The following EPHB6 variants were observed in gnomAD, a reference collection of about 807,000 sequenced individuals.
The protein encoded by EPHB6 is EPH receptor B6.
EPHB6 carries 51 observed loss-of-function variants against 107.0 expected under a neutral mutation model. That is an observed-to-expected ratio of 0.48 (90% CI 0.38 to 0.60). The LOEUF (loss-of-function observed/expected upper bound fraction) is 0.60. Ranked by LOEUF, EPHB6 falls within the 20% of genes least tolerant of loss-of-function variation. The pLI is 0.00. For synonymous variants in EPHB6, 553 were observed against 549.0 expected (o/e 1.01, Z -0.10); for missense variants, 1,141 against 1,355.5 (o/e 0.84, Z 2.48).
At position 142,867,738 on chromosome 7, in the gene EPHB6, T is replaced by C; in HGVS notation, c.1865+16T>C. On this transcript the variant is annotated intron_variant, in intron 12 of 19. Coordinates refer to ENST00000652003, the MANE Select transcript of EPHB6 (RefSeq NM_004445.6). The surrounding 1 kb of genome is among the most constrained non-coding windows in gnomAD (Gnocchi z 5.3). ...TCTTCCAGCGGTGAGTCCCCACCCCTGCCCAACTCTGCCCAGCACCATTAA... is the reference window on the plus strand; with the variant it reads ...TCTTCCAGCGGTGAGTCCCCACCCCCGCCCAACTCTGCCCAGCACCATTAA... 1 of 1,588,534 alleles carries C rather than the reference T, an allele frequency of 6.3e-7. No individual in the cohort carries two copies. The highest frequency in any genetic ancestry group is 8.6e-7 in the Non-Finnish European group (1 of 1,166,136).
intron 1 of EPHB6, among the ~76,000 whole-genome samples, chr7:142,858,648 G>A (rs1171858075): frequency 4.9e-5 from 7 of 142,186 alleles, no homozygotes; most frequent in Non-Finnish European, 9.1e-5. Context: ...GGGTTTCACC[G>A]TGTTAGCCAG....
At chr7:142,859,620 C>T (rs1342822642) in intron 1 of EPHB6, among the ~76,000 whole-genome samples, 1 of 151,434 alleles carries the variant, frequency 6.6e-6, no homozygotes, top group Non-Finnish European at 1.5e-5. Flanking sequence ...TCTGACTCAG[C>T]AACAATTTTT....
intron 5 of EPHB6, 59 bp downstream of exon 5, chr7:142,863,386 G>T: frequency 6.6e-7 from 1 of 1,522,610 alleles, no homozygotes. Context: ...GTGAAAGGGG[G>T]AAGTGGGAAA....
In EPHB6 at chr7:142,863,167, G is replaced by A. The variant is rs1586155484; in HGVS notation, c.-61G>A. On this transcript the variant is annotated 5_prime_UTR_variant, in exon 5 of 20. Coordinates refer to ENST00000652003, the MANE Select transcript of EPHB6 (RefSeq NM_004445.6). The stretch of plus-strand genomic sequence containing the variant: ...GTACACCCTGAGTCTTGCAAAAGCT[G>A]CAGCCCCACCCAGGAGCAGGGTGGT... 1.6e-5 allele frequency: 23 copies of A among 1,477,184 alleles called. No individual in the cohort carries two copies. In the East Asian group the frequency reaches 4.4e-4, roughly 28 times the overall value. 91.5% of individuals were successfully genotyped at this position (1,477,184 alleles called of 1,614,324 possible).
At position 142,870,471 on chromosome 7, in the gene EPHB6, TGAG is replaced by T. The variant is rs1794856917; in HGVS notation, c.2805-55_2805-53del. 5 of 1,613,788 alleles carry T rather than the reference TGAG, an allele frequency of 3.1e-6. No individual in the cohort carries two copies. The South Asian group carries it at 3.3e-5, about 11-fold the overall frequency. ...GGGTAGATGCAAACCTAAAGAAAAC[TGAG>T]GAGAGGGGCTAAGATGAAGAGGAGA... On this transcript the variant is annotated intron_variant, in intron 18 of 19. Coordinates refer to ENST00000652003, the MANE Select transcript of EPHB6 (RefSeq NM_004445.6).
At position 142,855,579 on chromosome 7, in the gene EPHB6, C is replaced by G. The variant is rs968668388; in HGVS notation, c.-432+194C>G. Among the ~76,000 whole-genome samples the G allele has an allele frequency of 6.6e-6, 1 of 152,170 alleles. No homozygotes were observed. The highest frequency in any genetic ancestry group is 1.5e-5 in the Non-Finnish European group (1 of 68,014). ...AGGAAACGGTCAACCTGGCTACTCCCCTCTCACTCCACTCTGACCTGGCAT... is the reference window on the plus strand; with the variant it reads ...AGGAAACGGTCAACCTGGCTACTCCGCTCTCACTCCACTCTGACCTGGCAT... On this transcript the variant is annotated intron_variant, in intron 1 of 19. Coordinates refer to ENST00000652003, the MANE Select transcript of EPHB6 (RefSeq NM_004445.6). The surrounding 1 kb of genome is among the most constrained non-coding windows in gnomAD (Gnocchi z 4.2).
Position 142,867,345 on chromosome 7 carries a change from G to T in EPHB6, c.1751-263G>T. 1 of 633,678 alleles carries T rather than the reference G, an allele frequency of 1.6e-6. No individual in the cohort carries two copies. The allele number at this position is 633,678 out of a possible 1,614,324, so 39.3% of individuals were successfully genotyped here. A position where few individuals can be genotyped will look rare whatever the true frequency, so the allele number is the denominator to read the frequency against. ...CTGGGTGTGGATGTGGGAGGGCTGT[G>T]GGCGTGTGTGTGTGTTGTGTGTCCC... is the stretch of plus-strand genomic sequence containing the variant. On this transcript the variant is annotated intron_variant, in intron 11 of 19. Coordinates refer to ENST00000652003, the MANE Select transcript of EPHB6 (RefSeq NM_004445.6). This position sits in a 1 kb window ranked among gnomAD's most constrained non-coding sequence, Gnocchi z 5.3.
rs1165895254 is a variant in EPHB6 at position 142,868,382 on chromosome 7, G to A, written c.2038+22G>A. 4 of 1,613,844 alleles carry A rather than the reference G, an allele frequency of 2.5e-6. No individual in the cohort carries two copies. The highest frequency in any genetic ancestry group is 1.7e-5 in the Admixed American group (1 of 60,000). ...ACAGGTACAGCAGGGCCAAAGCAGG[G>A]ATCAGAGCGACGGGGCTCCCTTGTG... On this transcript the variant is annotated intron_variant, in intron 14 of 19. Transcript: ENST00000652003. This position sits in a 1 kb window ranked among gnomAD's most constrained non-coding sequence, Gnocchi z 4.2.
Position 142,867,115 on chromosome 7 carries a change from G to A in EPHB6, c.1750+47G>A, listed in dbSNP as rs2116455951. 6.3e-7 allele frequency: 1 copy of A among 1,598,058 alleles called. No individual in the cohort carries two copies. Among genetic ancestry groups the A allele is most frequent in the Non-Finnish European group, 8.5e-7 (1 of 1,174,458 alleles). ...GATGGGCAGGTGAAGGCCCAAGTGG[G>A]TAGTGAGGAGAGGCCCAGGGACTGT... is the stretch of plus-strand genomic sequence containing the variant. On this transcript the variant is annotated intron_variant, in intron 11 of 19. Coordinates refer to ENST00000652003, the MANE Select transcript of EPHB6 (RefSeq NM_004445.6). The surrounding 1 kb of genome is among the most constrained non-coding windows in gnomAD (Gnocchi z 5.3).
chr7:142,863,421 G>A (rs1802945837), intron 5 of EPHB6, 94 bp downstream of exon 5: 1 of 1,330,136 alleles, frequency 7.5e-7, no homozygotes, highest in South Asian at 1.2e-5. Context: ...AGATAAGAGT[G>A]AAGACATCAA....
Position 142,867,251 on chromosome 7 carries a change from AG to A in EPHB6, c.1750+187del. The stretch of plus-strand genomic sequence containing the variant: ...GCTACTCGGGGAGGTGGGGAATTGT[AG>A]GGGTATGTATGCATGTTGAGTGTGG... On this transcript the variant is annotated intron_variant, in intron 11 of 19. Coordinates refer to ENST00000652003, the MANE Select transcript of EPHB6 (RefSeq NM_004445.6). This position sits in a 1 kb window ranked among gnomAD's most constrained non-coding sequence, Gnocchi z 5.3. The A allele has an allele frequency of 1.4e-6, 1 of 714,542 alleles. No homozygotes were observed. Among genetic ancestry groups the A allele is most frequent in the East Asian group, 2.7e-5 (1 of 36,966 alleles). The allele number at this position is 714,542 out of a possible 1,614,324, so 44.3% of individuals were successfully genotyped here.
Position 142,864,749 on chromosome 7 carries a change from G to A in EPHB6, c.949G>A (p.Ala317Thr), listed in dbSNP as rs772887570. The A allele has an allele frequency of 3.1e-6, 5 of 1,612,822 alleles. No individual in the cohort carries two copies. Among genetic ancestry groups the A allele is most frequent in the Admixed American group, 3.3e-5 (2 of 60,028 alleles). The change falls in exon 7 of 20, where the codon GCC (alanine) becomes ACC (threonine). Residue 317 changes from alanine (A) to threonine (T), a missense_variant and splice_region_variant. Coordinates refer to ENST00000652003, the MANE Select transcript of EPHB6 (RefSeq NM_004445.6). ...AGCACGAGGAGACAAGGCCTGCCAA[G>A]GTGAGAGCCCACTCGTCTTGCACTT... ...QPARGDKACQACPRGLYKASA... is the reference protein window; with the variant it reads ...QPARGDKACQTCPRGLYKASA...
chr7:142,868,426 C>A lies in EPHB6; in HGVS notation c.2038+66C>A, dbSNP rs1304730363. On this transcript the variant is annotated intron_variant, in intron 14 of 19. Coordinates refer to ENST00000652003, the MANE Select transcript of EPHB6 (RefSeq NM_004445.6). The surrounding 1 kb of genome is among the most constrained non-coding windows in gnomAD (Gnocchi z 4.2). ...CCTTGTGGCCTCCGCTGGCCAGAGT[C>A]CCATCCAAACACAGCAGGACGCTGT... The A allele has an allele frequency of 6.2e-7, 1 of 1,613,830 alleles. No individual in the cohort carries two copies. The highest frequency in any genetic ancestry group is 8.5e-7 in the Non-Finnish European group (1 of 1,179,860).
Position 142,870,772 on chromosome 7 carries a change from T to G in EPHB6, c.2961-24T>G, listed in dbSNP as rs767488583. The G allele has an allele frequency of 1.9e-6, 3 of 1,614,096 alleles. No individual in the cohort carries two copies. The East Asian group carries it at 6.7e-5, about 36-fold the overall frequency. ...GGGATCTCGGAGAAGCTGGCCCAGATTTGATCCCTTCCCTCCCCACCAGAG... is the reference window on the plus strand; with the variant it reads ...GGGATCTCGGAGAAGCTGGCCCAGAGTTGATCCCTTCCCTCCCCACCAGAG... On this transcript the variant is annotated intron_variant, in intron 19 of 19. Transcript: ENST00000652003.
At chr7:142,865,392 G>T in intron 7 of EPHB6, 83 bp from the exon 8 acceptor site, 1 of 1,573,076 alleles carries the variant, frequency 6.4e-7, no homozygotes. Flanking sequence ...AAGGCTGCGA[G>T]GATACCTGCC....
In EPHB6 at chr7:142,870,606, A is replaced by G; in HGVS notation, c.2881A>G (p.Ile961Val). ...CTCACCCCAGGCCTGGCTTTCAGCC[A>G]TTGGACTGGAGTGCTACCAGGACAA... ...LDSPQAWLSA[I>V]GLECYQDNFS... Residue 961 changes from isoleucine to valine, a missense_variant, in exon 19 of 20, where the codon ATT (isoleucine) becomes GTT (valine). By Grantham distance (29) the Ile-to-Val change is conservative. Coordinates refer to ENST00000652003, the MANE Select transcript of EPHB6 (RefSeq NM_004445.6). The G allele has an allele frequency of 1.2e-6, 2 of 1,614,226 alleles. No individual in the cohort carries two copies.
At position 142,866,654 on chromosome 7, in the gene EPHB6, AG is replaced by A; in HGVS notation, c.1587+51del. 1 of 1,613,110 alleles carries A rather than the reference AG, an allele frequency of 6.2e-7. No homozygotes were observed. The highest frequency in any genetic ancestry group is 8.5e-7 in the Non-Finnish European group (1 of 1,179,948). ...CGCAGTAGGGCTGGTAGGAGCTCAT[AG>A]GCCTCACAGTGGGGCCCAGAGGTGA... is the stretch of plus-strand genomic sequence containing the variant. On this transcript the variant is annotated intron_variant, in intron 10 of 19. Coordinates refer to ENST00000652003, the MANE Select transcript of EPHB6 (RefSeq NM_004445.6). This position sits in a 1 kb window ranked among gnomAD's most constrained non-coding sequence, Gnocchi z 5.2.
At position 142,855,654 on chromosome 7, in the gene EPHB6, A is replaced by G. The variant is rs1224859554; in HGVS notation, c.-432+269A>G. ...GTTAGGATCCCCCAGTTGCGTTCCC[A>G]GACATTCTCCTCTGGCTCTGGCTTG... On this transcript the variant is annotated intron_variant, in intron 1 of 19. Coordinates refer to ENST00000652003, the MANE Select transcript of EPHB6 (RefSeq NM_004445.6). The surrounding 1 kb of genome is among the most constrained non-coding windows in gnomAD (Gnocchi z 4.2). Among the ~76,000 whole-genome samples the G allele has an allele frequency of 6.6e-6, 1 of 152,150 alleles. No individual in the cohort carries two copies. Among genetic ancestry groups the G allele is most frequent in the African/African-American group, 2.4e-5 (1 of 41,430 alleles).
chr7:142,870,041 C>T, intron 17 of EPHB6, 75 bp downstream of exon 17: 1 of 1,607,388 alleles, frequency 6.2e-7, no homozygotes, highest in Non-Finnish European at 8.5e-7. Flanking sequence ...GACCTCCATT[C>T]TCTACTCCGT....
Sources: allele counts gnomAD v4.1 joint callset (sites outside exome capture counted in the v4.1 genomes callset), GRCh38; gene constraint gnomAD v4.1.1; non-coding constraint Gnocchi (gnomAD v3.1); transcripts MANE v1.5; gene names NCBI Gene and HGNC (gene_info 2026-07-23, HGNC 2026-07-21).